The following INTS1 variants were observed in gnomAD, a reference collection of about 807,000 sequenced individuals.
INTS1 encodes integrator complex subunit 1.
INTS1 carries 137 observed loss-of-function variants against 241.6 expected under a neutral mutation model. That is an observed-to-expected ratio of 0.57 (90% confidence interval 0.49 to 0.65). The LOEUF (loss-of-function observed/expected upper bound fraction) is 0.65. INTS1 is among the 30% of genes least tolerant of loss of function. The pLI, the probability that INTS1 is intolerant of heterozygous loss-of-function variation, is 0.00. For missense variants in INTS1, 3,073 were observed against 3,032.2 expected (o/e 1.01, Z -0.32); for synonymous variants, 1,692 against 1,337.8 (o/e 1.26, Z -5.78).
At chr7:1,484,642 G>A (rs1406593219) in intron 24 of INTS1, among the ~76,000 whole-genome samples, 2 of 152,214 alleles carry the variant, frequency 1.3e-5, no homozygotes, top group Non-Finnish European at 2.9e-5. Context: ...CAGCGACCTG[G>A]GCCCACAGCC....
chr7:1,496,134 C>T (rs781421832), intron 12 of INTS1, 22 bp downstream of exon 12: 1 of 1,600,602 alleles, frequency 6.2e-7, no homozygotes, highest in Non-Finnish European at 8.6e-7. Context: ...CAAGCAGGGC[C>T]AGGCCACCCC....
At position 1,487,918 on chromosome 7, in the gene INTS1, C is replaced by G. The variant is rs1232129162; in HGVS notation, c.2358G>C (p.Glu786Asp). 1.2e-6 allele frequency: 2 copies of G among 1,613,390 alleles called. No individual in the cohort carries two copies. Among genetic ancestry groups the G allele is most frequent in the Admixed American group, 3.3e-5 (2 of 60,006 alleles). The change falls in exon 19 of 48, where the codon GAG (glutamate) becomes GAC (aspartate). Residue 786 changes from glutamate to aspartate, a missense_variant. By Grantham distance (45) the Glu-to-Asp change is conservative (BLOSUM62 2). Transcript: ENST00000404767. ...SYPPCTLTDE[E>D]TRTEMLNREL... The stretch of plus-strand genomic sequence containing the variant: ...CACGGTTCAGCATCTCCGTCCGGGT[C>G]TCCTCATCCGTCAGGGTGCACGGTG...
intron 22 of INTS1, 61 bp downstream of exon 22, chr7:1,486,564 C>G: frequency 6.5e-7 from 1 of 1,547,168 alleles, no homozygotes; most frequent in Non-Finnish European, 8.8e-7. Flanking sequence ...CGTGCCCGGT[C>G]CCCAGCCTAC....
Position 1,472,178 on chromosome 7 carries a change from C to T in INTS1, c.6184+95G>A. The T allele has an allele frequency of 6.2e-6, 6 of 974,064 alleles. No individual in the cohort carries two copies. The South Asian group carries it at 6.9e-5, about 11-fold the overall frequency. 60.3% of individuals were successfully genotyped at this position (974,064 alleles called of 1,614,324 possible). A position where few individuals can be genotyped will look rare whatever the true frequency, so the allele number is the denominator to read the frequency against. On this transcript the variant is annotated intron_variant, in intron 44 of 47. Transcript: ENST00000404767. ...CAGCCCAGCGTGGGCCAGGCTCACGCCAAAGTCAGTGCCCAAATGGCTACT... is the reference window on the plus strand; with the variant it reads ...CAGCCCAGCGTGGGCCAGGCTCACGTCAAAGTCAGTGCCCAAATGGCTACT...
At chr7:1,472,087 G>A (rs1488047792) in intron 44 of INTS1, among the ~76,000 whole-genome samples, 186 bp downstream of exon 44, 2 of 152,162 alleles carry the variant, frequency 1.3e-5, no homozygotes, top group Non-Finnish European at 2.9e-5. Flanking sequence ...AGCTCCCCTG[G>A]GCCCCTGAGT....
rs1204522084 is a variant in INTS1, at chr7:1,500,332, C to T, written c.384G>A (p.Ala128=). 2 of 1,586,646 alleles carry T rather than the reference C, an allele frequency of 1.3e-6. No homozygotes were observed. The highest frequency in any genetic ancestry group is 2.3e-5 in the East Asian group (1 of 43,884). ...TGTCATCGTTGCCCTCCAGCTCGGC[C>T]GCCTCGATCTCATCCAGCAGCACCG... The part of the protein sequence containing the change: ...LPTVLLDEIE[A]AELEGNDDRI... The change falls in exon 4 of 48, where the codon GCG becomes GCA. Residue 128 remains alanine, a synonymous_variant. Transcript: ENST00000404767.
Position 1,499,867 on chromosome 7 carries a change from C to T in INTS1, c.684+17G>A, listed in dbSNP as rs200779315. 42 of 1,608,344 alleles carry T rather than the reference C, an allele frequency of 2.6e-5. No individual in the cohort carries two copies. Among genetic ancestry groups the T allele is most frequent in the Admixed American group, 1.5e-4 (9 of 59,580 alleles). On this transcript the variant is annotated intron_variant, in intron 5 of 47. Transcript: ENST00000404767. ...TGGCGCTCTGCCATCTTCACCGTCC[C>T]GGGAGAGGACGCTCACCTTGACAAA...
In INTS1 at chr7:1,483,824, G is replaced by A. The variant is rs1782113397; in HGVS notation, c.3459C>T (p.Arg1153=). 1.2e-6 allele frequency: 2 copies of A among 1,612,310 alleles called. No homozygotes were observed. The highest frequency in any genetic ancestry group is 1.7e-6 in the Non-Finnish European group (2 of 1,179,390). ...TGGTGGCTGTCTCCCCGCTGCTCCA[G>A]CGTAGGAAGACCTGGTCCTGAGACT... ...WSESQDQVFL[R]WSSGETATMH... is the part of the protein sequence containing the mutation. Residue 1153 remains arginine (R), a synonymous_variant, in exon 26 of 48, where the codon CGC becomes CGT. Transcript: ENST00000404767.
At chr7:1,484,587 G>C (rs1051592000) in intron 24 of INTS1, among the ~76,000 whole-genome samples, 1 of 151,984 alleles carries the variant, frequency 6.6e-6, no homozygotes, top group African/African-American at 2.4e-5. Context: ...GGGAGTCAGC[G>C]CCACACATGT....
At position 1,482,613 on chromosome 7, in the gene INTS1, C is replaced by T. The variant is rs1381809215; in HGVS notation, c.3636G>A (p.Ala1212=). 6.8e-6 allele frequency: 11 copies of T among 1,612,874 alleles called. No homozygotes were observed. Among genetic ancestry groups the T allele is most frequent in the Admixed American group, 6.7e-5 (4 of 60,028 alleles). Residue 1212 remains alanine, a synonymous_variant, in exon 27 of 48, where the codon GCG becomes GCA. Coordinates refer to ENST00000404767, the MANE Select transcript of INTS1 (RefSeq NM_001080453.3). ...TAFLVDTSEE[A]LLLPDWLKLR... is the part of the protein sequence containing the mutation. ...GCTTCAGCCAGTCAGGAAGCAGCAG[C>T]GCCTCCTCCGATGTGTCCACCAGGA...
At chr7:1,475,888 C>T (rs1045369580) in intron 39 of INTS1, 60 bp downstream of exon 39, 2 of 1,513,656 alleles carry the variant, frequency 1.3e-6, no homozygotes, top group East Asian at 2.5e-5. Context: ...TCCGCCCTCC[C>T]TCCCTGCCCG....
Position 1,474,287 on chromosome 7 carries a change from G to A in INTS1, c.5710C>T (p.His1904Tyr), listed in dbSNP as rs1310729724. 1.2e-6 allele frequency: 2 copies of A among 1,608,864 alleles called. No homozygotes were observed. Among genetic ancestry groups the A allele is most frequent in the South Asian group, 1.1e-5 (1 of 90,984 alleles). ...LNFQEFRQQN[H>Y]LSCFLHVLGL... ...AGCACGTGCAGGAAGCAGCTCAGGT[G>A]GTTCTGCTGCCGGAACTCCTGGAAG... Residue 1904 changes from histidine (H) to tyrosine (Y), a missense_variant, in exon 41 of 48, where the codon CAC becomes TAC. Coordinates refer to ENST00000404767, the MANE Select transcript of INTS1 (RefSeq NM_001080453.3).
chr7:1,481,091 A>G lies in INTS1; in HGVS notation c.3851-158T>C, dbSNP rs540074785. On this transcript the variant is annotated intron_variant, in intron 28 of 47. Coordinates refer to ENST00000404767, the MANE Select transcript of INTS1 (RefSeq NM_001080453.3). This position sits in a 1 kb window ranked among gnomAD's most constrained non-coding sequence, Gnocchi z 6.8. ...GAGCTCAGTCAGCACTGAGGCCCCA[A>G]CAGCTCCCTCCAAGCTCAAAACACG... The G allele has an allele frequency of 2.5e-5, 17 of 689,596 alleles. No homozygotes were observed. Among genetic ancestry groups the G allele is most frequent in the Admixed American group, 7.0e-5 (3 of 42,686 alleles). 42.7% of individuals were successfully genotyped at this position (689,596 alleles called of 1,614,324 possible). A position where few individuals can be genotyped will look rare whatever the true frequency, so the allele number is the denominator to read the frequency against.
chr7:1,483,983 G>A lies in INTS1; in HGVS notation c.3429+20C>T, dbSNP rs748813421. 34 of 1,599,896 alleles carry A rather than the reference G, an allele frequency of 2.1e-5. No homozygotes were observed. The highest frequency in any genetic ancestry group is 9.4e-5 in the African/African-American group (7 of 74,726). On this transcript the variant is annotated intron_variant, in intron 25 of 47. Transcript: ENST00000404767. Reference sequence around the variant, plus strand: ...TAGACCTCCTCGCCCTCACCCGGCCGTAGACCTCCTCGCCCTCACCCAGCT... The same window carrying A: ...TAGACCTCCTCGCCCTCACCCGGCCATAGACCTCCTCGCCCTCACCCAGCT...
chr7:1,481,463 C>T lies in INTS1; in HGVS notation c.3729G>A (p.Gln1243=). Residue 1243 remains glutamine (Q), a synonymous_variant, in exon 28 of 48, where the codon CAG becomes CAA. Transcript: ENST00000404767. The surrounding 1 kb of genome is among the most constrained non-coding windows in gnomAD (Gnocchi z 6.8). ...DAALQDLEPQ[Q]LLLFVQSFGI... ...CAAACGACTGCACGAACAGCAGCAG[C>T]TGCTGCGGCTCCAGGTCCTGCAGGG... The T allele has an allele frequency of 6.2e-7, 1 of 1,610,838 alleles. No homozygotes were observed. The highest frequency in any genetic ancestry group is 2.2e-5 in the East Asian group (1 of 44,822).
At chr7:1,474,556 G>A in intron 40 of INTS1, 149 bp downstream of exon 40, 1 of 1,252,274 alleles carries the variant, frequency 8.0e-7, no homozygotes, top group South Asian at 1.5e-5. Context: ...GCCCAGCTCA[G>A]TCCTGACTTC....
rs1006702033 is a variant in INTS1 at position 1,477,865 on chromosome 7, C to T, written c.4702G>A (p.Ala1568Thr). 1 of 1,612,626 alleles carries T rather than the reference C, an allele frequency of 6.2e-7. No individual in the cohort carries two copies. Among genetic ancestry groups the T allele is most frequent in the Non-Finnish European group, 8.5e-7 (1 of 1,179,858 alleles). ...ELLTAFFSATADAASPFPACK... is the reference protein window; with the variant it reads ...ELLTAFFSATTDAASPFPACK... Reference sequence around the variant, plus strand: ...GCTGGAAACGGGGAGGCAGCATCCGCAGTGGCAGAGAAGAATGCAGTCAGC... The same window carrying T: ...GCTGGAAACGGGGAGGCAGCATCCGTAGTGGCAGAGAAGAATGCAGTCAGC... The change falls in exon 34 of 48, where the codon GCG (alanine) becomes ACG (threonine). Residue 1568 changes from alanine (A) to threonine (T), a missense_variant. Ala to Thr is a moderately conservative substitution (Grantham distance 58). Coordinates refer to ENST00000404767, the MANE Select transcript of INTS1 (RefSeq NM_001080453.3).
At chr7:1,483,348 GC>G in intron 26 of INTS1, 1 of 350,348 alleles carries the variant, frequency 2.9e-6, no homozygotes, top group East Asian at 7.0e-5. Flanking sequence ...ACTCGCCTGG[GC>G]CCCGGGGAGA....
In INTS1 at chr7:1,479,544, G is replaced by T; in HGVS notation, c.4215C>A (p.Val1405=). 3.9e-6 allele frequency: 6 copies of T among 1,558,146 alleles called. No homozygotes were observed. The highest frequency in any genetic ancestry group is 4.3e-6 in the Non-Finnish European group (5 of 1,152,876). The change falls in exon 31 of 48, where the codon GTC becomes GTA. Residue 1405 remains valine (V), a synonymous_variant. Coordinates refer to ENST00000404767, the MANE Select transcript of INTS1 (RefSeq NM_001080453.3). ...SPEVPGITVR[V]LQALATLLSS... Reference sequence around the variant, plus strand: ...TGAGCAGGGTGGCGAGGGCCTGCAGGACACGCACCGTGATGCCCGGCACCT... The same window carrying T: ...TGAGCAGGGTGGCGAGGGCCTGCAGTACACGCACCGTGATGCCCGGCACCT...
Sources: gnomAD v4.1 joint callset for allele counts (sites outside exome capture counted in the v4.1 genomes callset) on GRCh38, gnomAD v4.1.1 for gene constraint, Gnocchi (gnomAD v3.1) non-coding constraint, MANE v1.5 for transcripts, NCBI Gene and HGNC (gene_info 2026-07-23, HGNC 2026-07-21) for gene names.